Variants in ADAMTS6 observed in about 807,000 individuals in gnomAD.
ADAMTS6 encodes the protein ADAM metallopeptidase with thrombospondin type 1 motif 6, also known as A disintegrin and metalloproteinase with thrombospondin motifs 6.
A neutral mutation model predicts 144.3 loss-of-function variants in ADAMTS6; 23 were observed. The observed-to-expected ratio is 0.16, with a 90% CI of 0.11 to 0.23. The LOEUF (loss-of-function observed/expected upper bound fraction) is 0.23, where lower values mean the gene tolerates loss of function less well. ADAMTS6 is among the 10% of genes least tolerant of loss of function. The pLI is 1.00. For missense variants in ADAMTS6, 999 were observed against 1,379.6 expected, an observed-to-expected ratio of 0.72 and a Z score of 4.37; for synonymous variants, 444 against 457.5, an observed-to-expected ratio of 0.97 and a Z score of 0.38.
chr5:65,364,562 T>C (rs1174895848), intron 7 of ADAMTS6, among the ~76,000 whole-genome samples: 1 of 145,210 alleles, frequency 6.9e-6, no homozygotes, highest in East Asian at 2.0e-4. Flanking sequence ...ATGAATTTCT[T>C]TCTTTTTTTT....
intron 3 of ADAMTS6, among the ~76,000 whole-genome samples, chr5:65,465,070 A>G (rs1759898413): frequency 6.6e-6 from 1 of 152,198 alleles, no homozygotes; most frequent in African/African-American, 2.4e-5. Flanking sequence ...TTAGCCAGAG[A>G]AAAATACAAC....
chr5:65,237,135 T>G (rs908901165), intron 15 of ADAMTS6, among the ~76,000 whole-genome samples: 3 of 152,124 alleles, frequency 2.0e-5, no homozygotes, highest in African/African-American at 7.2e-5. Context: ...GGCTCACACC[T>G]ATAATCCCAG....
rs60349566 is a variant in ADAMTS6, at chr5:65,310,942, G to A, written c.1224-10811C>T. On this transcript the variant is annotated intron_variant, in intron 9 of 24. Transcript: ENST00000381055. ...TTTGTTTTGGCTCATGAATGCAAGCGGGTTAGAGGAAGTTGCTCTTGAAGT... is the reference window on the plus strand; with the variant it reads ...TTTGTTTTGGCTCATGAATGCAAGCAGGTTAGAGGAAGTTGCTCTTGAAGT... 4.6e-3 allele frequency among the ~76,000 whole-genome samples: 694 copies of A among 152,188 alleles called. 7 individuals carry two copies. Among genetic ancestry groups the A allele is most frequent in the African/African-American group, 0.016 (673 of 41,540 alleles).
intron 24 of ADAMTS6, among the ~76,000 whole-genome samples, chr5:65,162,906 T>C (rs1752873516): frequency 6.6e-6 from 1 of 152,040 alleles, no homozygotes; most frequent in Non-Finnish European, 1.5e-5. Context: ...TTTGTTCTGT[T>C]TTGTTTTGGG....
intron 19 of ADAMTS6, 32 bp downstream of exon 19, chr5:65,215,292 C>A: frequency 6.2e-7 from 1 of 1,603,692 alleles, no homozygotes. Flanking sequence ...GAATTAAAAA[C>A]AGAAGAAATA....
At chr5:65,338,138 A>G (rs1747479193) in intron 7 of ADAMTS6, among the ~76,000 whole-genome samples, 1 of 152,230 alleles carries the variant, frequency 6.6e-6, no homozygotes, top group African/African-American at 2.4e-5. Context: ...TTTATTCTGA[A>G]TTTGGATAGA....
chr5:65,224,838 C>A, intron 17 of ADAMTS6, 86 bp downstream of exon 17: 1 of 1,442,952 alleles, frequency 6.9e-7, no homozygotes, highest in South Asian at 1.6e-5. Flanking sequence ...ATAAAGAAAT[C>A]TGAAAAACAG....
chr5:65,474,762 G>T (rs1321998077), intron 1 of ADAMTS6, among the ~76,000 whole-genome samples: 2 of 97,898 alleles, frequency 2.0e-5, no homozygotes, highest in East Asian at 5.9e-4. Flanking sequence ...ATAACTAAGA[G>T]CTAAAAACTA....
chr5:65,360,022 A>G (rs573364169), intron 7 of ADAMTS6, among the ~76,000 whole-genome samples: 23 of 152,342 alleles, frequency 1.5e-4, no homozygotes, highest in African/African-American at 4.1e-4. Context: ...GTATGTATGT[A>G]TATCAGTCTG....
intron 8 of ADAMTS6, among the ~76,000 whole-genome samples, chr5:65,332,287 GTATATATA>G (rs367547551): frequency 0.029 from 3,448 of 117,930 alleles, 54 homozygotes; most frequent in South Asian, 0.061. Context: ...GACAGTGAGG[GTATATATA>G]TATATATATA....
chr5:65,242,046 T>C (rs950610776), intron 15 of ADAMTS6, 58 bp downstream of exon 15: 58 of 1,185,690 alleles, frequency 4.9e-5, no homozygotes, highest in Non-Finnish European at 6.3e-5. Context: ...TATATTTGTA[T>C]ATTCTTTGAT....
At chr5:65,423,025 G>A (rs1756204107) in intron 7 of ADAMTS6, among the ~76,000 whole-genome samples, 1 of 152,166 alleles carries the variant, frequency 6.6e-6, no homozygotes, top group Non-Finnish European at 1.5e-5. Context: ...CAGCAACCTG[G>A]ATGGAGCTGG....
In ADAMTS6 at chr5:65,473,519, C is replaced by A. The variant is rs1370702122; in HGVS notation, c.97+58G>T. ...TCCACCCAAACTAAATATGCAGAAT[C>A]TTTTCTTGTCCAATTAATAGCAATA... is the stretch of plus-strand genomic sequence containing the variant. On this transcript the variant is annotated intron_variant, in intron 2 of 24. Coordinates refer to ENST00000381055, the MANE Select transcript of ADAMTS6 (RefSeq NM_197941.4). 9 of 1,456,576 alleles carry A rather than the reference C, an allele frequency of 6.2e-6. No homozygotes were observed. In the Admixed American group the frequency reaches 7.2e-5, roughly 12 times the overall value. The allele number at this position is 1,456,576 out of a possible 1,614,324, so 90.2% of individuals were successfully genotyped here.
chr5:65,468,451 A>G (rs1376837147), intron 3 of ADAMTS6, among the ~76,000 whole-genome samples: 1 of 151,828 alleles, frequency 6.6e-6, no homozygotes, highest in Non-Finnish European at 1.5e-5. Flanking sequence ...AAAAAAAAAA[A>G]AAAAGTAACA....
chr5:65,402,362 A>G (rs1753993268), intron 7 of ADAMTS6, among the ~76,000 whole-genome samples: 1 of 152,142 alleles, frequency 6.6e-6, no homozygotes. Flanking sequence ...AAATATAACC[A>G]TGCTGACTGA....
intron 7 of ADAMTS6, among the ~76,000 whole-genome samples, chr5:65,431,021 T>C (rs1272791763): frequency 1.3e-5 from 2 of 152,160 alleles, no homozygotes; most frequent in Non-Finnish European, 2.9e-5. Context: ...ACTTATTCAG[T>C]TGTATAATCC....
At chr5:65,360,241 G>A (rs577372369) in intron 7 of ADAMTS6, among the ~76,000 whole-genome samples, 1 of 152,236 alleles carries the variant, frequency 6.6e-6, no homozygotes, top group East Asian at 1.9e-4. Flanking sequence ...AGAGAGAGAA[G>A]TAGAAGGTGC....
At chr5:65,356,072 T>C (rs1367534170) in intron 7 of ADAMTS6, among the ~76,000 whole-genome samples, 1 of 151,786 alleles carries the variant, frequency 6.6e-6, no homozygotes, top group Admixed American at 6.6e-5. Context: ...CTTTTTTTAG[T>C]ATCAGGGCTC....
chr5:65,286,607 G>T (rs1741691552), intron 11 of ADAMTS6, among the ~76,000 whole-genome samples: 1 of 152,158 alleles, frequency 6.6e-6, no homozygotes, highest in African/African-American at 2.4e-5. Context: ...ACCTGTAGAT[G>T]AACAATCAGC....
Sources: gnomAD v4.1 joint callset for allele counts (sites outside exome capture counted in the v4.1 genomes callset) on GRCh38, gnomAD v4.1.1 for gene constraint, MANE v1.5 for transcripts, NCBI Gene and HGNC (gene_info 2026-07-23, HGNC 2026-07-21) for gene names.